The following SCYL2 variants were observed in gnomAD, a reference collection of about 807,000 sequenced individuals.
The protein encoded by SCYL2 is SCY1 like pseudokinase 2, also known as SCY1-like protein 2.
A neutral mutation model predicts 100.4 loss-of-function variants in SCYL2; 36 were observed. The ratio of observed to expected loss-of-function variants is 0.36; its 90% CI spans 0.27 to 0.47. The LOEUF (loss-of-function observed/expected upper bound fraction) is 0.47. Ranked by LOEUF, SCYL2 falls within the 20% of genes least tolerant of loss-of-function variation. The pLI is 1.00. For missense variants in SCYL2, 902 were observed against 1,083.9 expected (o/e 0.83, Z 2.36); for synonymous variants, 330 against 359.2 (o/e 0.92, Z 0.92).
Position 100,295,450 on chromosome 12 carries a change from C to T in SCYL2, c.336-2581C>T, listed in dbSNP as rs537292875. 4.9e-3 allele frequency among the ~76,000 whole-genome samples: 753 copies of T among 152,296 alleles called. 6 individuals are homozygous for T. The highest frequency in any genetic ancestry group is 0.02 in the Middle Eastern group (6 of 294). On this transcript the variant is annotated intron_variant, in intron 3 of 17. Transcript: ENST00000360820. ...CGAGACTCCGTCTGCAATCCCGGCA[C>T]CTCGGGAGGCCGAGGCTGGCGGATC...
chr12:100,283,139 A>G lies in SCYL2; in HGVS notation c.169A>G (p.Thr57Ala). The G allele has an allele frequency of 6.2e-7, 1 of 1,604,820 alleles. No individual in the cohort carries two copies. The highest frequency in any genetic ancestry group is 8.5e-7 in the Non-Finnish European group (1 of 1,176,346). The part of the protein sequence containing the change: ...WKIFNGTKKS[T>A]KQEVAVFVFD... ...GATTTTTAATGGCACAAAAAAGTCA[A>G]CAAAGCAGGTGAGTTTTAATTCAGC... The change falls in exon 2 of 18, where the codon ACA becomes GCA. Residue 57 changes from threonine to alanine, a missense_variant. Transcript: ENST00000360820.
At chr12:100,293,348 T>C (rs1015899341) in intron 3 of SCYL2, among the ~76,000 whole-genome samples, 1 of 152,158 alleles carries the variant, frequency 6.6e-6, no homozygotes, top group African/African-American at 2.4e-5. Context: ...TGTTATGTAA[T>C]ACTATTGTGA....
rs774643375 is a variant in SCYL2, at chr12:100,311,100, C to G, written c.537C>G (p.Ile179Met). Residue 179 changes from isoleucine to methionine, a missense_variant, in exon 5 of 18, where the codon ATC becomes ATG. Coordinates refer to ENST00000360820, the MANE Select transcript of SCYL2 (RefSeq NM_017988.6). ...GTGTGAAAATGGTGCATGGAAATAT[C>G]ACTCCTGAAAATATAATTTTGAATA... ...HSSVKMVHGN[I>M]TPENIILNKS... is the part of the protein sequence containing the mutation. 6.2e-7 allele frequency: 1 copy of G among 1,604,868 alleles called. No individual in the cohort carries two copies. Among genetic ancestry groups the G allele is most frequent in the Admixed American group, 1.7e-5 (1 of 58,520 alleles).
rs528477780 is a variant in SCYL2 at position 100,276,527 on chromosome 12, A to G, written c.-28-6416A>G. On this transcript the variant is annotated intron_variant, in intron 1 of 17. Coordinates refer to ENST00000360820, the MANE Select transcript of SCYL2 (RefSeq NM_017988.6). ...TTATTTTATTTGTTTTTGTAGAAAC[A>G]GGGTCTCCTTATGTTGCTCGGGCTG... Among the ~76,000 whole-genome samples the G allele has an allele frequency of 4.5e-4, 69 of 152,154 alleles. 2 individuals are homozygous for G. The South Asian group carries it at 0.014, about 31-fold the overall frequency.
chr12:100,286,088 T>A (rs2096304173), intron 2 of SCYL2, among the ~76,000 whole-genome samples: 1 of 152,208 alleles, frequency 6.6e-6, no homozygotes, highest in African/African-American at 2.4e-5. Flanking sequence ...AAATAATTTC[T>A]AATAAAACAC....
chr12:100,310,323 C>G (rs1434931856), intron 4 of SCYL2, among the ~76,000 whole-genome samples: 1 of 152,090 alleles, frequency 6.6e-6, no homozygotes, highest in African/African-American at 2.4e-5. Flanking sequence ...TAAATAGTAG[C>G]CATCCTCATG....
chr12:100,310,284 C>T (rs977198214), intron 4 of SCYL2, among the ~76,000 whole-genome samples: 3 of 152,226 alleles, frequency 2.0e-5, no homozygotes, highest in African/African-American at 7.2e-5. Flanking sequence ...GCATGAGCCA[C>T]TGTGCACAGC....
At chr12:100,335,573 TA>T in intron 14 of SCYL2, 51 bp from the exon 15 acceptor site, 2 of 1,356,828 alleles carry the variant, frequency 1.5e-6, no homozygotes, top group Non-Finnish European at 2.1e-6. Context: ...CATGAGTATT[TA>T]AAAATATGCA....
chr12:100,310,942 C>A, intron 4 of SCYL2, 102 bp from the exon 5 acceptor site: 1 of 1,181,314 alleles, frequency 8.5e-7, no homozygotes. Context: ...ACACGCAAAA[C>A]TTTTATTGTG....
chr12:100,315,138 T>C (rs754095696), intron 8 of SCYL2, among the ~76,000 whole-genome samples: 8 of 152,102 alleles, frequency 5.3e-5, no homozygotes, highest in Non-Finnish European at 1.2e-4. Context: ...CTATGGAGAG[T>C]AAAGAGGAGG....
rs773285648 is a variant in SCYL2 at position 100,323,647 on chromosome 12, T to C, written c.1509+9T>C. ...AAACATCTTCCCTTGCGGTAAGTAA[T>C]TGCATATTAATTTTTGTTTTTCTTT... On this transcript the variant is annotated intron_variant, in intron 11 of 17. Transcript: ENST00000360820. 9.0e-5 allele frequency: 130 copies of C among 1,446,316 alleles called. No homozygotes were observed. Among genetic ancestry groups the C allele is most frequent in the Admixed American group, 2.0e-5 (1 of 49,186 alleles). 89.6% of individuals were successfully genotyped at this position (1,446,316 alleles called of 1,614,324 possible).
chr12:100,285,142 C>T (rs2096303091), intron 2 of SCYL2, among the ~76,000 whole-genome samples: 1 of 152,128 alleles, frequency 6.6e-6, no homozygotes, highest in Non-Finnish European at 1.5e-5. Context: ...ACCCATGTAA[C>T]CAGCATCCGG....
At chr12:100,305,937 C>A (rs780820917) in intron 4 of SCYL2, among the ~76,000 whole-genome samples, 2 of 151,828 alleles carry the variant, frequency 1.3e-5, no homozygotes, top group Non-Finnish European at 2.9e-5. Context: ...ACACATACAC[C>A]CTCCCAAGAC....
chr12:100,294,409 G>T (rs1180655443), intron 3 of SCYL2, among the ~76,000 whole-genome samples: 38 of 103,158 alleles, frequency 3.7e-4, no homozygotes, highest in South Asian at 7.1e-4. Context: ...CCTCCCGGAC[G>T]GGGCGGCTGG....
intron 7 of SCYL2, 148 bp from the exon 8 acceptor site, chr12:100,314,339 CAG>C: frequency 1.8e-6 from 1 of 560,438 alleles, no homozygotes; most frequent in Non-Finnish European, 3.1e-6. Context: ...TTTTCTTATT[CAG>C]AGTTTTATAA....
At chr12:100,316,761 GA>G (rs2096349210) in intron 9 of SCYL2, among the ~76,000 whole-genome samples, 1 of 152,176 alleles carries the variant, frequency 6.6e-6, no homozygotes, top group African/African-American at 2.4e-5. Flanking sequence ...CCTATAATCT[GA>G]ATTCTTATTT....
intron 2 of SCYL2, among the ~76,000 whole-genome samples, chr12:100,289,518 C>T (rs779121428): frequency 1.4e-4 from 22 of 152,246 alleles, no homozygotes; most frequent in African/African-American, 4.6e-4. Context: ...CATATAAATA[C>T]GCAAATGCTA....
In SCYL2 at chr12:100,283,103, C is replaced by T; in HGVS notation, c.133C>T (p.Leu45=). The T allele has an allele frequency of 6.2e-7, 1 of 1,609,348 alleles. No individual in the cohort carries two copies. Among genetic ancestry groups the T allele is most frequent in the Non-Finnish European group, 8.5e-7 (1 of 1,178,416 alleles). ...GRHIASGGNG[L]AWKIFNGTKK... ...ACACATTGCCAGTGGTGGCAATGGG[C>T]TAGCTTGGAAGATTTTTAATGGCAC... The change falls in exon 2 of 18, where the codon CTA becomes TTA. Residue 45 remains leucine (L), a synonymous_variant. Coordinates refer to ENST00000360820, the MANE Select transcript of SCYL2 (RefSeq NM_017988.6).
chr12:100,271,754 T>C (rs1390076870), intron 1 of SCYL2, among the ~76,000 whole-genome samples: 3 of 151,972 alleles, frequency 2.0e-5, no homozygotes, highest in African/African-American at 7.3e-5. Context: ...TCATTCTGCT[T>C]TATAATATTT....
Sources: allele counts gnomAD v4.1 joint callset (sites outside exome capture counted in the v4.1 genomes callset), GRCh38; gene constraint gnomAD v4.1.1; transcripts MANE v1.5; gene names NCBI Gene and HGNC (gene_info 2026-07-23, HGNC 2026-07-21).